ADGRL3: variants seen among roughly 807,000 people sequenced by gnomAD.
ADGRL3 encodes the protein adhesion G protein-coupled receptor L3.
Under a neutral mutation model 153.5 loss-of-function variants are expected in ADGRL3, and 62 were observed. That is an observed-to-expected ratio of 0.40 (90% CI 0.33 to 0.50). ADGRL3 has a LOEUF of 0.50. Among genes scored for constraint, ADGRL3 ranks in the 20% least tolerant of loss-of-function variants. The pLI, the probability that ADGRL3 is intolerant of heterozygous loss-of-function variation, is 0.47. For synonymous variants in ADGRL3, 710 were observed against 672.5 expected, an observed-to-expected ratio of 1.06 and a Z score of -0.86; for missense variants, 1,641 against 1,859.4, an observed-to-expected ratio of 0.88 and a Z score of 2.16.
rs180739455 is a variant in ADGRL3, at chr4:61,994,034, A to G, written c.3237-2257A>G. Among the ~76,000 whole-genome samples the G allele has an allele frequency of 1.3e-3, 191 of 152,342 alleles. 1 individual carries two copies. Among genetic ancestry groups the G allele is most frequent in the Non-Finnish European group, 1.5e-3 (102 of 68,040 alleles). ...TGAATAAAGAAATTATCTTGTCTACATAAAAAATGAGAACTTGTAGTCAGT... is the reference window on the plus strand; with the variant it reads ...TGAATAAAGAAATTATCTTGTCTACGTAAAAAATGAGAACTTGTAGTCAGT... On this transcript the variant is annotated intron_variant, in intron 19 of 26. Coordinates refer to ENST00000683033, the MANE Select transcript of ADGRL3 (RefSeq NM_001387552.1).
Position 61,516,416 on chromosome 4 carries a change from T to C in ADGRL3, c.56-899T>C, listed in dbSNP as rs191214809. The stretch of plus-strand genomic sequence containing the variant: ...CTTTTTCTTTGTAAAATTTATCCTT[T>C]CTGTTGACAGACAGATTTTCATTAT... On this transcript the variant is annotated intron_variant, in intron 3 of 26. Transcript: ENST00000683033. 7.6e-4 allele frequency among the ~76,000 whole-genome samples: 116 copies of C among 152,268 alleles called. 2 individuals are homozygous for C. Among genetic ancestry groups the C allele is most frequent in the South Asian group, 3.1e-3 (15 of 4,828 alleles).
At chr4:61,799,141 A>G (rs946211412) in intron 8 of ADGRL3, among the ~76,000 whole-genome samples, 1 of 150,812 alleles carries the variant, frequency 6.6e-6, no homozygotes, top group African/African-American at 2.4e-5. Flanking sequence ...GTGGTCCAAG[A>G]AGAATTTTGT....
chr4:61,372,648 C>T (rs949189257), intron 1 of ADGRL3, among the ~76,000 whole-genome samples: 7 of 152,210 alleles, frequency 4.6e-5, no homozygotes, highest in African/African-American at 1.7e-4. Context: ...CAGACAAGGA[C>T]GTTTAAGTCT....
intron 8 of ADGRL3, among the ~76,000 whole-genome samples, chr4:61,735,072 T>C (rs754550623): frequency 6.6e-6 from 1 of 152,236 alleles, no homozygotes; most frequent in Non-Finnish European, 1.5e-5. Context: ...CTGAAGTAGA[T>C]TCTAAGTTTT....
At chr4:61,567,216 TG>T (rs1385000601) in intron 4 of ADGRL3, among the ~76,000 whole-genome samples, 1 of 152,204 alleles carries the variant, frequency 6.6e-6, no homozygotes, top group Non-Finnish European at 1.5e-5. Flanking sequence ...GTTAGCTCAC[TG>T]GTAGAGTAAT....
intron 4 of ADGRL3, among the ~76,000 whole-genome samples, chr4:61,544,504 A>T (rs1018515304): frequency 6.6e-6 from 1 of 152,084 alleles, no homozygotes; most frequent in South Asian, 2.1e-4. Context: ...CTTCCTGTCT[A>T]TCTCCCTTTA....
intron 1 of ADGRL3, among the ~76,000 whole-genome samples, chr4:61,297,230 C>T (rs1292702195): frequency 6.6e-6 from 1 of 152,120 alleles, no homozygotes; most frequent in Non-Finnish European, 1.5e-5. Context: ...ATCTCGGCTA[C>T]ATTTAAAAAC....
intron 2 of ADGRL3, among the ~76,000 whole-genome samples, chr4:61,424,904 C>A (rs1330578036): frequency 3.9e-5 from 6 of 152,096 alleles, no homozygotes; most frequent in Non-Finnish European, 1.5e-5. Flanking sequence ...GAACGTAGCA[C>A]CTCCCAGTTG....
In ADGRL3 at chr4:61,397,362, C is replaced by T. The variant is rs1489747791; in HGVS notation, c.-174+14173C>T. On this transcript the variant is annotated intron_variant, in intron 2 of 26. Coordinates refer to ENST00000683033, the MANE Select transcript of ADGRL3 (RefSeq NM_001387552.1). ...CAGATGTGACTGAAGCTGAGTCACG[C>T]TCCATTTGTGTTCTATCCAGCCTTA... 5.3e-5 allele frequency among the ~76,000 whole-genome samples: 8 copies of T among 151,988 alleles called. No individual in the cohort carries two copies. In the East Asian group the frequency reaches 1.5e-3, roughly 29 times the overall value.
At chr4:61,211,268 A>C (rs1183272724) in intron 1 of ADGRL3, among the ~76,000 whole-genome samples, 2 of 151,670 alleles carry the variant, frequency 1.3e-5, no homozygotes, top group African/African-American at 4.8e-5. Context: ...CTTAGGTATC[A>C]GGAAAAATTG....
chr4:62,070,533 T>C lies in ADGRL3; in HGVS notation c.4257T>C (p.Tyr1419=). Residue 1419 remains tyrosine (Y), a synonymous_variant, in exon 27 of 27, where the codon TAT becomes TAC. Transcript: ENST00000683033. ...CCGAGAACCACCAGCCACACCATTA[T>C]ACCAGAAGGCGGATCCCCCAAGACC... The part of the protein sequence containing the change: ...YSTENHQPHH[Y]TRRRIPQDHS... 1 of 1,547,974 alleles carries C rather than the reference T, an allele frequency of 6.5e-7. No individual in the cohort carries two copies. The highest frequency in any genetic ancestry group is 8.7e-7 in the Non-Finnish European group (1 of 1,146,360).
At chr4:61,410,994 CT>C (rs758262749) in intron 2 of ADGRL3, among the ~76,000 whole-genome samples, 1 of 152,138 alleles carries the variant, frequency 6.6e-6, no homozygotes, top group Non-Finnish European at 1.5e-5. Flanking sequence ...TTGGGCTTTA[CT>C]TACAAAACAC....
At chr4:61,805,146 G>A (rs2097540791) in intron 8 of ADGRL3, among the ~76,000 whole-genome samples, 1 of 151,586 alleles carries the variant, frequency 6.6e-6, no homozygotes, top group Admixed American at 6.6e-5. Flanking sequence ...TAGGAGAGAC[G>A]AGGTTTCACT....
intron 6 of ADGRL3, among the ~76,000 whole-genome samples, chr4:61,720,753 A>G (rs750807217): frequency 6.6e-6 from 1 of 152,164 alleles, no homozygotes. Context: ...AAATCGTGAC[A>G]CTATCTAATT....
chr4:61,557,620 G>T (rs2098773117), intron 4 of ADGRL3, among the ~76,000 whole-genome samples: 1 of 152,140 alleles, frequency 6.6e-6, no homozygotes, highest in Non-Finnish European at 1.5e-5. Context: ...TGTACAGCAG[G>T]CTGACTGCCT....
In ADGRL3 at chr4:62,062,600, C is replaced by G. The variant is rs185638640; in HGVS notation, c.3815-5566C>G. 9.2e-5 allele frequency among the ~76,000 whole-genome samples: 14 copies of G among 152,130 alleles called. No homozygotes were observed. The East Asian group carries it at 2.7e-3, about 29-fold the overall frequency. On this transcript the variant is annotated intron_variant, in intron 25 of 26. Transcript: ENST00000683033. ...AAATGTCCTAAGTATATTAATAAAA[C>G]TTCTCCTCTGATCTTTGCTTCTTGG... is the stretch of plus-strand genomic sequence containing the variant.
At chr4:61,457,405 G>T (rs2097766579) in intron 2 of ADGRL3, among the ~76,000 whole-genome samples, 1 of 151,794 alleles carries the variant, frequency 6.6e-6, no homozygotes, top group Non-Finnish European at 1.5e-5. Context: ...AAAATGGAGA[G>T]AAATTTAAAA....
At chr4:61,853,748 G>A (rs1256402017) in intron 9 of ADGRL3, among the ~76,000 whole-genome samples, 1 of 152,108 alleles carries the variant, frequency 6.6e-6, no homozygotes, top group Non-Finnish European at 1.5e-5. Flanking sequence ...GATTACATAT[G>A]GTTCCTAATA....
intron 5 of ADGRL3, among the ~76,000 whole-genome samples, chr4:61,643,368 G>C (rs1391727103): frequency 6.6e-6 from 1 of 151,786 alleles, no homozygotes; most frequent in African/African-American, 2.4e-5. Context: ...TCTTGTGCCA[G>C]TTTTCAAAGG....
Sources: gnomAD v4.1 joint callset for allele counts (sites outside exome capture counted in the v4.1 genomes callset) on GRCh38, gnomAD v4.1.1 for gene constraint, MANE v1.5 for transcripts, NCBI Gene and HGNC (gene_info 2026-07-23, HGNC 2026-07-21) for gene names.